Variants in DROSHA observed in about 807,000 individuals in gnomAD.
DROSHA encodes the protein ribonuclease 3.
DROSHA carries 56 observed loss-of-function variants against 181.9 expected under a neutral mutation model. That is an observed-to-expected ratio of 0.31 (90% CI 0.25 to 0.38). DROSHA has a LOEUF of 0.38. DROSHA is among the 10% of genes least tolerant of loss of function. DROSHA has a pLI of 1.00. For synonymous variants in DROSHA, 524 were observed against 591.2 expected, an observed-to-expected ratio of 0.89 and a Z score of 1.65; for missense variants, 1,218 against 1,743.5, an observed-to-expected ratio of 0.70 and a Z score of 5.37.
chr5:31,432,781 A>G (rs1460936817), intron 25 of DROSHA, among the ~76,000 whole-genome samples: 1 of 152,160 alleles, frequency 6.6e-6, no homozygotes, highest in African/African-American at 2.4e-5. Flanking sequence ...TCATTTCACT[A>G]TCTTACTCAT....
chr5:31,497,919 T>C (rs781065971), intron 11 of DROSHA, among the ~76,000 whole-genome samples: 6 of 152,214 alleles, frequency 3.9e-5, no homozygotes, highest in South Asian at 2.1e-4. Flanking sequence ...AGGCCAGATA[T>C]AGCCAGGGAC....
chr5:31,478,251 T>C (rs142597736), intron 16 of DROSHA, among the ~76,000 whole-genome samples: 146 of 152,342 alleles, frequency 9.6e-4, no homozygotes, highest in African/African-American at 3.3e-3. Flanking sequence ...AGTGGAAGAA[T>C]TGTCTTGGGC....
chr5:31,483,664 A>G, intron 15 of DROSHA, 36 bp from the exon 16 acceptor site: 1 of 1,541,526 alleles, frequency 6.5e-7, no homozygotes, highest in Non-Finnish European at 8.7e-7. Flanking sequence ...AAAAAAAAAG[A>G]AAACTCAGTC....
At chr5:31,524,543 G>T (rs958899185) in intron 5 of DROSHA, among the ~76,000 whole-genome samples, 1 of 152,078 alleles carries the variant, frequency 6.6e-6, no homozygotes, top group African/African-American at 2.4e-5. Flanking sequence ...TCAGTGTAAG[G>T]GTTCACTGAG....
Position 31,448,577 on chromosome 5 carries a change from C to T in DROSHA, c.2852G>A (p.Arg951His), listed in dbSNP as rs1387790694. The T allele has an allele frequency of 2.5e-6, 4 of 1,613,348 alleles. No homozygotes were observed. The highest frequency in any genetic ancestry group is 1.7e-5 in the Admixed American group (1 of 59,984). ...GGGAGTTGGGTCATCTTGGCCAAGG[C>T]GTGACATGATATTTATCAAGGTGTT... is the stretch of plus-strand genomic sequence containing the variant. Reference protein sequence around the residue: ...GINTLINIMSRLGQDDPTPSR... With the variant: ...GINTLINIMSHLGQDDPTPSR... Residue 951 changes from arginine to histidine, a missense_variant, in exon 23 of 36, where the codon CGC becomes CAC. Arg to His is a conservative substitution (Grantham distance 29, BLOSUM62 0). Coordinates refer to ENST00000344624, the MANE Select transcript of DROSHA (RefSeq NM_001382508.1).
intron 5 of DROSHA, 24 bp from the exon 6 acceptor site, chr5:31,521,239 C>A: frequency 6.2e-7 from 1 of 1,610,474 alleles, no homozygotes; most frequent in Non-Finnish European, 8.5e-7. Flanking sequence ...ATACACAGAG[C>A]TGTTTTCAAC....
intron 5 of DROSHA, among the ~76,000 whole-genome samples, chr5:31,525,503 C>CAAA (rs397970711): frequency 1.5e-3 from 54 of 36,052 alleles, no homozygotes; most frequent in East Asian, 5.9e-3. Flanking sequence ...GATTCTGTCA[C>CAAA]AAAAAAAAAA....
chr5:31,516,515 T>C (rs771414585), intron 6 of DROSHA, among the ~76,000 whole-genome samples: 2 of 152,216 alleles, frequency 1.3e-5, no homozygotes, highest in Non-Finnish European at 2.9e-5. Flanking sequence ...TATATATGTG[T>C]GTAGGTATGT....
At chr5:31,522,263 C>T (rs10461899) in intron 5 of DROSHA, among the ~76,000 whole-genome samples, 3,173 of 152,208 alleles carry the variant, frequency 0.021, 164 homozygotes, top group East Asian at 0.21. Context: ...GATTTGGATT[C>T]TACATTCTTC....
chr5:31,502,281 G>A (rs954586341), intron 11 of DROSHA, among the ~76,000 whole-genome samples: 1 of 152,242 alleles, frequency 6.6e-6, no homozygotes, highest in African/African-American at 2.4e-5. Context: ...ATATGTTTCG[G>A]CAGATCCTAT....
At chr5:31,452,288 G>A (rs1747124399) in intron 20 of DROSHA, among the ~76,000 whole-genome samples, 1 of 152,128 alleles carries the variant, frequency 6.6e-6, no homozygotes, top group Non-Finnish European at 1.5e-5. Flanking sequence ...TAAAGCCCAC[G>A]ACTATCCTTG....
At chr5:31,493,936 A>T (rs1394030429) in intron 12 of DROSHA, among the ~76,000 whole-genome samples, 5 of 127,632 alleles carry the variant, frequency 3.9e-5, no homozygotes, top group African/African-American at 1.6e-4. Context: ...ATAACCCACC[A>T]TTGTGTGTGT....
At chr5:31,425,486 A>T (rs1028114683) in intron 27 of DROSHA, among the ~76,000 whole-genome samples, 1 of 152,040 alleles carries the variant, frequency 6.6e-6, no homozygotes, top group Non-Finnish European at 1.5e-5. Context: ...ACTTTCTCTC[A>T]ATGCTTTTTT....
intron 27 of DROSHA, among the ~76,000 whole-genome samples, chr5:31,427,043 G>C (rs1743558665): frequency 6.6e-6 from 1 of 152,128 alleles, no homozygotes. Context: ...AATAAGGAAG[G>C]AGGAACACAT....
rs866374811 is a variant in DROSHA, at chr5:31,514,047, G to A, written c.1290+941C>T. Among the ~76,000 whole-genome samples the A allele has an allele frequency of 2.6e-5, 4 of 152,128 alleles. No individual in the cohort carries two copies. The highest frequency in any genetic ancestry group is 5.9e-5 in the Non-Finnish European group (4 of 68,024). ...CCGGCTGTAGCACCACAGGCGCCCC[G>A]GCCCTGGCAGCATGTGCTCTAGGAG... On this transcript the variant is annotated intron_variant, in intron 8 of 35. Coordinates refer to ENST00000344624, the MANE Select transcript of DROSHA (RefSeq NM_001382508.1). This position sits in a 1 kb window ranked among gnomAD's most constrained non-coding sequence, Gnocchi z 4.4.
chr5:31,445,889 A>G (rs1746184444), intron 23 of DROSHA, among the ~76,000 whole-genome samples: 1 of 152,194 alleles, frequency 6.6e-6, no homozygotes, highest in Non-Finnish European at 1.5e-5. Flanking sequence ...TGCTCTCAAT[A>G]CTTCTATTCA....
intron 34 of DROSHA, among the ~76,000 whole-genome samples, chr5:31,406,194 G>A (rs1281112766): frequency 1.3e-5 from 2 of 152,036 alleles, no homozygotes; most frequent in African/African-American, 2.4e-5. Context: ...ATACAGCTCA[G>A]GTGAGTAGTA....
intron 6 of DROSHA, 142 bp from the exon 7 acceptor site, chr5:31,515,706 A>ATATGGCCAAATT: frequency 8.5e-7 from 1 of 1,178,874 alleles, no homozygotes; most frequent in Non-Finnish European, 1.2e-6. Flanking sequence ...CAGGGTCTCA[A>ATATGGCCAAATT]TATGGCCATA....
At chr5:31,492,265 G>A (rs1752511576) in intron 13 of DROSHA, among the ~76,000 whole-genome samples, 1 of 152,132 alleles carries the variant, frequency 6.6e-6, no homozygotes, top group African/African-American at 2.4e-5. Flanking sequence ...AAAACAATTT[G>A]TCCTAAATTA....
Sources: allele counts gnomAD v4.1 joint callset (sites outside exome capture counted in the v4.1 genomes callset), GRCh38; gene constraint gnomAD v4.1.1; non-coding constraint Gnocchi (gnomAD v3.1); transcripts MANE v1.5; gene names NCBI Gene and HGNC (gene_info 2026-07-23, HGNC 2026-07-21).